CAMTA1: variants seen among roughly 807,000 people sequenced by gnomAD.
The protein encoded by CAMTA1 is calmodulin-binding transcription activator 1.
Under a neutral mutation model 170.9 loss-of-function variants are expected in CAMTA1, and 27 were observed. The ratio of observed to expected loss-of-function variants is 0.16; its 90% CI spans 0.12 to 0.22. CAMTA1 has a LOEUF of 0.22. Among genes scored for constraint, CAMTA1 ranks in the 10% least tolerant of loss-of-function variants. The pLI, the probability that CAMTA1 is intolerant of heterozygous loss-of-function variation, is 1.00. For missense variants in CAMTA1, 1,619 were observed against 2,217.2 expected (o/e 0.73, Z 5.42); for synonymous variants, 833 against 891.5 (o/e 0.93, Z 1.17).
chr1:7,745,468 A>G (rs1006579245), intron 17 of CAMTA1, among the ~76,000 whole-genome samples: 3 of 152,134 alleles, frequency 2.0e-5, no homozygotes, highest in African/African-American at 4.8e-5. Flanking sequence ...GGAGGTTACA[A>G]TCAGCTGAGA....
At chr1:6,799,276 G>C (rs532558897) in intron 1 of CAMTA1, among the ~76,000 whole-genome samples, 17 of 152,114 alleles carry the variant, frequency 1.1e-4, no homozygotes, top group African/African-American at 3.9e-4. Context: ...GCTATGTTGC[G>C]CAGGCTTGTC....
rs149894808 is a variant in CAMTA1, at chr1:7,262,518, C to T, written c.438+12892C>T. 2.0e-3 allele frequency among the ~76,000 whole-genome samples: 303 copies of T among 152,252 alleles called. 2 individuals carry two copies. The highest frequency in any genetic ancestry group is 0.015 in the East Asian group (78 of 5,158). ...CAGAGGTTGCAGTGAGCCGAGATCA[C>T]GCTGTTGCACTGAAGCCTGGGGGAC... is the stretch of plus-strand genomic sequence containing the variant. On this transcript the variant is annotated intron_variant, in intron 5 of 22. Transcript: ENST00000303635.
At chr1:7,655,594 A>T (rs2095894218) in intron 7 of CAMTA1, among the ~76,000 whole-genome samples, 1 of 75,578 alleles carries the variant, frequency 1.3e-5, no homozygotes, top group Non-Finnish European at 3.0e-5. Flanking sequence ...AAACACCCCT[A>T]TACACACACC....
intron 3 of CAMTA1, among the ~76,000 whole-genome samples, chr1:7,015,407 G>A (rs1700389536): frequency 6.6e-6 from 1 of 152,172 alleles, no homozygotes; most frequent in Non-Finnish European, 1.5e-5. Flanking sequence ...TCCAGGTCCT[G>A]TGTGTCTTCA....
intron 19 of CAMTA1, 127 bp downstream of exon 19, chr1:7,747,908 T>TG: frequency 3.5e-6 from 1 of 282,164 alleles, no homozygotes; most frequent in Non-Finnish European, 5.9e-6. Context: ...TTTTGGTTGT[T>TG]TTTTTTTTTT....
chr1:7,536,756 C>T (rs1575866692), intron 6 of CAMTA1, among the ~76,000 whole-genome samples: 1 of 152,292 alleles, frequency 6.6e-6, no homozygotes, highest in East Asian at 1.9e-4. Flanking sequence ...CAGATCCGAC[C>T]AAGGCCTTCC....
At chr1:7,535,099 G>A (rs531248267) in intron 6 of CAMTA1, among the ~76,000 whole-genome samples, 10 of 150,870 alleles carry the variant, frequency 6.6e-5, no homozygotes, top group Admixed American at 6.6e-4. Flanking sequence ...CCCACAGGCC[G>A]TTGAGGCAGC....
intron 4 of CAMTA1, among the ~76,000 whole-genome samples, chr1:7,131,491 G>C (rs1573320448): frequency 6.6e-6 from 1 of 150,410 alleles, no homozygotes; most frequent in East Asian, 1.9e-4. Flanking sequence ...TTTTATGTGT[G>C]GTGTGAGATG....
intron 1 of CAMTA1, among the ~76,000 whole-genome samples, chr1:6,787,851 T>C (rs569624431): frequency 6.6e-6 from 1 of 152,300 alleles, no homozygotes; most frequent in South Asian, 2.1e-4. Flanking sequence ...GAGTGAAAAG[T>C]TCTTGATTTC....
At chr1:7,260,556 C>G (rs1157876149) in intron 5 of CAMTA1, among the ~76,000 whole-genome samples, 1 of 152,228 alleles carries the variant, frequency 6.6e-6, no homozygotes, top group Non-Finnish European at 1.5e-5. Context: ...CAGTGATACA[C>G]TCTGTGTTCT....
At chr1:7,520,718 C>T (rs1205297754) in intron 6 of CAMTA1, among the ~76,000 whole-genome samples, 2 of 152,156 alleles carry the variant, frequency 1.3e-5, no homozygotes, top group East Asian at 1.9e-4. Flanking sequence ...ACCCCAGGCT[C>T]CTACGCCAAG....
chr1:7,175,956 TC>T (rs1360458057), intron 4 of CAMTA1, among the ~76,000 whole-genome samples: 1 of 152,150 alleles, frequency 6.6e-6, no homozygotes, highest in Non-Finnish European at 1.5e-5. Context: ...TTTCCCCAGA[TC>T]ATCTCTAAGC....
At chr1:7,466,840 G>A (rs943372307) in intron 5 of CAMTA1, among the ~76,000 whole-genome samples, 1 of 152,110 alleles carries the variant, frequency 6.6e-6, no homozygotes, top group South Asian at 2.1e-4. Context: ...CCCATCACTG[G>A]GTGCCTTGAG....
intron 3 of CAMTA1, among the ~76,000 whole-genome samples, chr1:6,919,492 C>G (rs576399440): frequency 7.5e-4 from 114 of 152,230 alleles, no homozygotes; most frequent in African/African-American, 2.6e-3. Flanking sequence ...TAGATCTCCT[C>G]TTTCTACAGG....
chr1:7,370,892 G>C (rs989454981), intron 5 of CAMTA1, among the ~76,000 whole-genome samples: 8 of 145,638 alleles, frequency 5.5e-5, no homozygotes, highest in African/African-American at 2.0e-4. Flanking sequence ...CCTGGGATAT[G>C]GCACTTTCTT....
intron 7 of CAMTA1, among the ~76,000 whole-genome samples, chr1:7,654,810 C>CACACACCTAT (rs1553235413): frequency 4.9e-4 from 15 of 30,338 alleles, no homozygotes; most frequent in African/African-American, 1.0e-3. Context: ...CACACACCCA[C>CACACACCTAT]ACACACCACA....
At chr1:7,494,535 G>A (rs2149727839) in intron 6 of CAMTA1, among the ~76,000 whole-genome samples, 1 of 152,264 alleles carries the variant, frequency 6.6e-6, no homozygotes, top group African/African-American at 2.4e-5. Flanking sequence ...CGGGTGCGGT[G>A]GCTTACACCT....
chr1:6,918,809 T>A lies in CAMTA1; in HGVS notation c.234+93599T>A, dbSNP rs982012055. 1.3e-5 allele frequency among the ~76,000 whole-genome samples: 2 copies of A among 152,138 alleles called. No individual in the cohort carries two copies. Among genetic ancestry groups the A allele is most frequent in the African/African-American group, 4.8e-5 (2 of 41,426 alleles). On this transcript the variant is annotated intron_variant, in intron 3 of 22. Transcript: ENST00000303635. This position sits in a 1 kb window ranked among gnomAD's most constrained non-coding sequence, Gnocchi z 4.0. The stretch of plus-strand genomic sequence containing the variant: ...TTCCCCCAGCCTGTCACCCTGTGGC[T>A]GGAGGGTGGCTTGCTGCCACTTGAT...
At chr1:7,227,956 C>T (rs1193558079) in intron 4 of CAMTA1, among the ~76,000 whole-genome samples, 1 of 145,798 alleles carries the variant, frequency 6.9e-6, no homozygotes, top group Non-Finnish European at 1.5e-5. Context: ...GTCCCTCAAA[C>T]CTGCCAAAGG....
Sources: gnomAD v4.1 joint callset for allele counts (sites outside exome capture counted in the v4.1 genomes callset) on GRCh38, gnomAD v4.1.1 for gene constraint, Gnocchi (gnomAD v3.1) non-coding constraint, MANE v1.5 for transcripts, NCBI Gene and HGNC (gene_info 2026-07-23, HGNC 2026-07-21) for gene names.